The following PAX3 variants were observed in gnomAD, a reference collection of about 807,000 sequenced individuals.
PAX3 encodes the protein paired box protein Pax-3.
In PAX3, 14 loss-of-function variants were observed where a neutral mutation model predicts 51.6. The ratio of observed to expected loss-of-function variants is 0.27; its 90% CI spans 0.18 to 0.42. The LOEUF is 0.42. Ranked by LOEUF, PAX3 falls within the 10% of genes least tolerant of loss-of-function variation. The pLI is 1.00. For missense variants in PAX3, 540 were observed against 642.8 expected, an observed-to-expected ratio of 0.84 and a Z score of 1.73; for synonymous variants, 280 against 253.4, an observed-to-expected ratio of 1.11 and a Z score of -1.00.
intron 4 of PAX3, among the ~76,000 whole-genome samples, chr2:222,241,246 T>C (rs887322627): frequency 1.3e-5 from 2 of 152,174 alleles, no homozygotes; most frequent in Non-Finnish European, 2.9e-5. Flanking sequence ...TTATTTACAA[T>C]TGCCAAGAGA....
At chr2:222,265,477 C>T (rs140331854) in intron 4 of PAX3, among the ~76,000 whole-genome samples, 5,634 of 151,044 alleles carry the variant, frequency 0.037, 332 homozygotes, top group African/African-American at 0.13. Context: ...CACGGTGAAA[C>T]CCCATCTCTA....
rs148454691 is a variant in PAX3 at position 222,294,173 on chromosome 2, C to G, written c.580G>C (p.Glu194Gln). Reference protein sequence around the residue: ...AKHSIDGILSERASAPQSDEG... With the variant: ...AKHSIDGILSQRASAPQSDEG... ...CCAAGGCGCCACCGCTTACCTCGCT[C>G]GCTCAGGATGCCGTCGATGCTGTGT... The change falls in exon 4 of 9, where the codon GAG (glutamate) becomes CAG (glutamine). Residue 194 changes from glutamate to glutamine, a missense_variant. Glu to Gln is a conservative substitution (Grantham distance 29). This residue lies in a region of PAX3 where 427 missense variants were observed against 483.6 expected (regional missense o/e 0.88). Coordinates refer to ENST00000392070, the MANE Select transcript of PAX3 (RefSeq NM_181458.4). The G allele has an allele frequency of 6.8e-6, 11 of 1,614,132 alleles. No individual in the cohort carries two copies. Among genetic ancestry groups the G allele is most frequent in the Non-Finnish European group, 9.3e-6 (11 of 1,180,056 alleles).
In PAX3 at chr2:222,298,738, G is replaced by T; in HGVS notation, c.-123C>A. On this transcript the variant is annotated 5_prime_UTR_variant, in exon 1 of 9. Transcript: ENST00000392070. ...AGAGCCCCTCCCCAAAACGGCTGGA[G>T]AGAGAGGGAGGGACGCGGGGAGGGG... 1.1e-6 allele frequency: 1 copy of T among 943,626 alleles called. No homozygotes were observed. Among genetic ancestry groups the T allele is most frequent in the Non-Finnish European group, 1.7e-6 (1 of 604,844 alleles). 58.5% of individuals were successfully genotyped at this position (943,626 alleles called of 1,614,324 possible). A position where few individuals can be genotyped will look rare whatever the true frequency, so the allele number is the denominator to read the frequency against.
At chr2:222,228,169 C>T (rs772149225) in intron 5 of PAX3, among the ~76,000 whole-genome samples, 2 of 152,090 alleles carry the variant, frequency 1.3e-5, no homozygotes, top group Non-Finnish European at 2.9e-5. Context: ...GTAAAAGATC[C>T]ATATGCTGGG....
intron 7 of PAX3, among the ~76,000 whole-genome samples, chr2:222,209,908 A>T (rs1181717843): frequency 6.6e-6 from 1 of 151,828 alleles, no homozygotes; most frequent in Non-Finnish European, 1.5e-5. Context: ...ATTAAATTTA[A>T]TCAAATTAAT....
At chr2:222,277,317 G>A (rs964638834) in intron 4 of PAX3, among the ~76,000 whole-genome samples, 14 of 152,170 alleles carry the variant, frequency 9.2e-5, no homozygotes, top group African/African-American at 3.4e-4. Context: ...TAGACTCTCA[G>A]TCTTGAGACT....
chr2:222,244,734 C>CAAAAAAAAAA (rs35127003), intron 4 of PAX3, among the ~76,000 whole-genome samples: 1 of 109,720 alleles, frequency 9.1e-6, no homozygotes, highest in African/African-American at 3.3e-5. Flanking sequence ...TATTGTTCAC[C>CAAAAAAAAAA]AAAAAAAAAA....
intron 4 of PAX3, among the ~76,000 whole-genome samples, chr2:222,241,967 A>T (rs11680773): frequency 0.55 from 82,882 of 152,064 alleles, 23,073 homozygotes; most frequent in East Asian, 0.83. Context: ...TTAGAAATGC[A>T]GTCATTCTGG....
At chr2:222,254,809 G>A (rs1325970363) in intron 4 of PAX3, among the ~76,000 whole-genome samples, 1 of 151,952 alleles carries the variant, frequency 6.6e-6, no homozygotes, top group Non-Finnish European at 1.5e-5. Context: ...CTGAGACTTA[G>A]TCTTGCTCTA....
At chr2:222,230,873 AAAT>A (rs1421734133) in intron 5 of PAX3, among the ~76,000 whole-genome samples, 1 of 151,402 alleles carries the variant, frequency 6.6e-6, no homozygotes, top group Non-Finnish European at 1.5e-5. Flanking sequence ...AAAAAAAAAA[AAAT>A]CTCATCCTTT....
intron 4 of PAX3, among the ~76,000 whole-genome samples, chr2:222,265,675 G>GAAGA (rs1694026992): frequency 6.7e-6 from 1 of 148,960 alleles, no homozygotes; most frequent in Admixed American, 6.7e-5. Flanking sequence ...AGGAAGGAAG[G>GAAGA]AAGGAAGGAA....
At chr2:222,256,414 C>G (rs45611636) in intron 4 of PAX3, among the ~76,000 whole-genome samples, 1 of 151,940 alleles carries the variant, frequency 6.6e-6, no homozygotes, top group African/African-American at 2.4e-5. Context: ...AGACCCCTGC[C>G]GTCCTTCCTT....
intron 4 of PAX3, among the ~76,000 whole-genome samples, chr2:222,280,813 A>G (rs1423057730): frequency 6.6e-6 from 1 of 152,226 alleles, no homozygotes; most frequent in Non-Finnish European, 1.5e-5. Flanking sequence ...AATTGCCTGT[A>G]TAATGGGGAC....
chr2:222,227,323 G>A (rs561132781), intron 5 of PAX3, among the ~76,000 whole-genome samples: 1 of 152,280 alleles, frequency 6.6e-6, no homozygotes, highest in East Asian at 1.9e-4. Flanking sequence ...GCCAGACATA[G>A]TGGCTTACAC....
chr2:222,291,233 C>T (rs1465196895), intron 4 of PAX3, among the ~76,000 whole-genome samples: 2 of 152,194 alleles, frequency 1.3e-5, no homozygotes, highest in East Asian at 1.9e-4. Context: ...ACTTGGCTCC[C>T]CCGGCTGCCT....
chr2:222,277,186 A>G lies in PAX3; in HGVS notation c.586+16981T>C, dbSNP rs149045139. 2.6e-4 allele frequency among the ~76,000 whole-genome samples: 39 copies of G among 152,300 alleles called. 1 individual carries two copies. The East Asian group carries it at 7.1e-3, about 28-fold the overall frequency. ...AATAGATCTTAATTTTGCAATATTT[A>G]CAAAAATCTAATGACACAGAGATGT... is the stretch of plus-strand genomic sequence containing the variant. On this transcript the variant is annotated intron_variant, in intron 4 of 8. Transcript: ENST00000392070.
intron 7 of PAX3, among the ~76,000 whole-genome samples, chr2:222,218,692 A>T (rs1692065847): frequency 6.6e-6 from 1 of 152,212 alleles, no homozygotes; most frequent in African/African-American, 2.4e-5. Context: ...TTCATGCAGA[A>T]ATCACATTCA....
At chr2:222,224,885 C>T (rs535578003) in intron 5 of PAX3, among the ~76,000 whole-genome samples, 2 of 152,254 alleles carry the variant, frequency 1.3e-5, no homozygotes, top group Non-Finnish European at 2.9e-5. Flanking sequence ...GCAACAGAGG[C>T]AAACTGGCCT....
chr2:222,218,925 G>C (rs1294253824), intron 7 of PAX3, among the ~76,000 whole-genome samples: 1 of 152,024 alleles, frequency 6.6e-6, no homozygotes. Context: ...CATTGCCTTT[G>C]CTATCCATTC....
Sources: gnomAD v4.1 joint callset for allele counts (sites outside exome capture counted in the v4.1 genomes callset) on GRCh38, gnomAD v4.1.1 for gene constraint, gnomAD v4.1.1 regional missense constraint, MANE v1.5 for transcripts, NCBI Gene and HGNC (gene_info 2026-07-23, HGNC 2026-07-21) for gene names.